Variants in PIK3C3 observed in about 807,000 individuals in gnomAD.
The protein encoded by PIK3C3 is PI3-kinase type 3.
In PIK3C3, 95 loss-of-function variants were observed where a neutral mutation model predicts 126.1. The observed-to-expected ratio is 0.75, with a 90% CI of 0.64 to 0.89. The LOEUF is 0.89. PIK3C3 is among the 40% of genes least tolerant of loss of function. The pLI is 0.00. For missense variants in PIK3C3, 829 were observed against 1,063.2 expected, an observed-to-expected ratio of 0.78 and a Z score of 3.06; for synonymous variants, 374 against 360.0, an observed-to-expected ratio of 1.04 and a Z score of -0.44.
At chr18:41,960,125 G>T (rs1036136025) in intron 2 of PIK3C3, among the ~76,000 whole-genome samples, 4 of 152,142 alleles carry the variant, frequency 2.6e-5, no homozygotes, top group African/African-American at 9.7e-5. Flanking sequence ...TTCTGATAGT[G>T]AGTTGTGAGA....
chr18:41,960,487 G>A (rs1446294008), intron 2 of PIK3C3, among the ~76,000 whole-genome samples: 2 of 152,164 alleles, frequency 1.3e-5, no homozygotes, highest in Non-Finnish European at 2.9e-5. Flanking sequence ...AATGGTATGC[G>A]GTGATGGCGG....
chr18:42,032,041 T>G, intron 15 of PIK3C3, among the ~76,000 whole-genome samples: 1 of 152,222 alleles, frequency 6.6e-6, no homozygotes, highest in East Asian at 1.9e-4. Context: ...AGGCAGTACT[T>G]GTGTCCAGTA....
chr18:42,083,927 A>C lies in PIK3C3; in HGVS notation c.*2790A>C, dbSNP rs1196816038. 3.3e-5 allele frequency: 5 copies of C among 152,088 alleles called. No homozygotes were observed. The highest frequency in any genetic ancestry group is 5.9e-5 in the Non-Finnish European group (4 of 68,004). 9.4% of individuals were successfully genotyped at this position (152,088 alleles called of 1,614,324 possible). A position where few individuals can be genotyped will look rare whatever the true frequency, so the allele number is the denominator to read the frequency against. On this transcript the variant is annotated 3_prime_UTR_variant, in exon 25 of 25. Transcript: ENST00000262039. ...ACCTCTAATGTGTGCATTTGTGGGT[A>C]TGTGGTCCATTCAGCTTTAATCCCC... is the stretch of plus-strand genomic sequence containing the variant.
chr18:42,004,480 A>T lies in PIK3C3; in HGVS notation c.1109A>T (p.His370Leu). 6.2e-7 allele frequency: 1 copy of T among 1,612,272 alleles called. No homozygotes were observed. The highest frequency in any genetic ancestry group is 8.5e-7 in the Non-Finnish European group (1 of 1,179,534). ...VEDSLELLSS[H>L]YTNPTVRRYA... ...GACTCCTTGGAGCTGTTATCCTCTC[A>T]TTACACCAACCCAACTGTGAGGCGT... The change falls in exon 10 of 25, where the codon CAT (histidine) becomes CTT (leucine). Residue 370 changes from histidine (H) to leucine (L), a missense_variant. By Grantham distance (99) the His-to-Leu change is moderately conservative. This residue lies in a region of PIK3C3 where 64 missense variants were observed against 118.7 expected (regional missense o/e 0.54). Coordinates refer to ENST00000262039, the MANE Select transcript of PIK3C3 (RefSeq NM_002647.4).
chr18:42,008,500 G>C (rs1194310737), intron 10 of PIK3C3, among the ~76,000 whole-genome samples: 1 of 152,080 alleles, frequency 6.6e-6, no homozygotes, highest in Non-Finnish European at 1.5e-5. Flanking sequence ...TCTATGGAGA[G>C]TTATTCTTAA....
At chr18:42,068,677 G>A (rs1195734337) in intron 24 of PIK3C3, among the ~76,000 whole-genome samples, 4 of 151,980 alleles carry the variant, frequency 2.6e-5, no homozygotes, top group African/African-American at 7.3e-5. Flanking sequence ...GGGGCCAGGC[G>A]CGGTGGCTCA....
chr18:42,044,371 A>AT (rs34725564), intron 20 of PIK3C3, among the ~76,000 whole-genome samples: 36,648 of 149,626 alleles, frequency 0.24, 4,698 homozygotes, highest in South Asian at 0.4. Context: ...ATTCTACAGG[A>AT]TTTTTTTTTT....
In PIK3C3 at chr18:42,027,542, G is replaced by C; in HGVS notation, c.1584G>C (p.Leu528Phe). 1 of 1,602,654 alleles carries C rather than the reference G, an allele frequency of 6.2e-7. No homozygotes were observed. The highest frequency in any genetic ancestry group is 8.5e-7 in the Non-Finnish European group (1 of 1,170,426). The change falls in exon 14 of 25, where the codon TTG becomes TTC. Residue 528 changes from leucine to phenylalanine, a missense_variant. This residue lies in a region of PIK3C3 where 256 missense variants were observed against 291.0 expected (regional missense o/e 0.88). Transcript: ENST00000262039. Reference protein sequence around the residue: ...LNVMRRFSQALLKGDKSVRVM... With the variant: ...LNVMRRFSQAFLKGDKSVRVM... ...TAATGAGAAGATTCAGCCAAGCATT[G>C]TTGAAGGTAACCCTTAAATGTGAGG...
Position 42,040,707 on chromosome 18 carries a change from T to TG in PIK3C3, c.2071dup (p.Ala691GlyfsTer2), listed in dbSNP as rs1224884783. The TG allele has an allele frequency of 6.2e-7, 1 of 1,611,488 alleles. No individual in the cohort carries two copies. Among genetic ancestry groups the TG allele is most frequent in the Non-Finnish European group, 8.5e-7 (1 of 1,178,008 alleles). ...ATGCAGTTTATCCAGTCAGTTCCTG[T>TG]GGCTGAAGTTCTTGATACAGAGGGA... On this transcript the variant is annotated frameshift_variant, in exon 19 of 25. Coordinates refer to ENST00000262039, the MANE Select transcript of PIK3C3 (RefSeq NM_002647.4). LOFTEE classifies it high-confidence loss of function.
intron 24 of PIK3C3, among the ~76,000 whole-genome samples, chr18:42,075,165 C>A (rs1985928395): frequency 1.3e-5 from 2 of 152,102 alleles, no homozygotes; most frequent in African/African-American, 2.4e-5. Context: ...AGAGAAAAAT[C>A]ATCATTTCTG....
intron 14 of PIK3C3, among the ~76,000 whole-genome samples, chr18:42,028,747 C>T (rs2144439177): frequency 6.6e-6 from 1 of 152,308 alleles, no homozygotes; most frequent in East Asian, 1.9e-4. Flanking sequence ...ATTTACCCAG[C>T]TTCCCTTACC....
chr18:42,037,896 T>C, intron 17 of PIK3C3, 76 bp downstream of exon 17: 9 of 1,337,272 alleles, frequency 6.7e-6, no homozygotes, highest in Non-Finnish European at 8.3e-6. Flanking sequence ...TTGCTGTTTA[T>C]GGAACAGAAG....
intron 22 of PIK3C3, among the ~76,000 whole-genome samples, chr18:42,059,168 G>A (rs1985204746): frequency 6.6e-6 from 1 of 152,168 alleles, no homozygotes; most frequent in Non-Finnish European, 1.5e-5. Context: ...TTACAGTAAT[G>A]GGGTTTCATT....
intron 5 of PIK3C3, among the ~76,000 whole-genome samples, chr18:41,989,056 C>G (rs1598872621): frequency 6.6e-6 from 1 of 151,898 alleles, no homozygotes; most frequent in Non-Finnish European, 1.5e-5. Context: ...TTTAAGTAAC[C>G]TCTTCAGACC....
Position 42,076,115 on chromosome 18 carries a change from T to TGCAC in PIK3C3, c.2650-5008_2650-5007insGCAC, listed in dbSNP as rs1303637193. On this transcript the variant is annotated intron_variant, in intron 24 of 24. Coordinates refer to ENST00000262039, the MANE Select transcript of PIK3C3 (RefSeq NM_002647.4). ...ATATATATATATATATATATATATA[T>TGCAC]ATATATGCGCATATATATATATATA... Among the ~76,000 whole-genome samples the TGCAC allele has an allele frequency of 5.7e-4, 42 of 73,750 alleles. 5 individuals carry two copies. Among genetic ancestry groups the TGCAC allele is most frequent in the African/African-American group, 2.4e-3 (32 of 13,614 alleles). The allele number at this position is 73,750 out of a possible 152,430, so 48.4% of individuals were successfully genotyped here.
rs184630681 is a variant in PIK3C3 at position 42,085,177 on chromosome 18, T to C, written c.*4040T>C. On this transcript the variant is annotated 3_prime_UTR_variant, in exon 25 of 25. Coordinates refer to ENST00000262039, the MANE Select transcript of PIK3C3 (RefSeq NM_002647.4). ...AGAATAGGTACAATGTAAATACTGG[T>C]AAGTGAAAGTTCATTTTGTTCAGTG... 2 of 152,320 alleles carry C rather than the reference T, an allele frequency of 1.3e-5. No homozygotes were observed. The highest frequency in any genetic ancestry group is 1.3e-4 in the Admixed American group (2 of 15,302). 9.4% of individuals were successfully genotyped at this position (152,320 alleles called of 1,614,324 possible). A position where few individuals can be genotyped will look rare whatever the true frequency, so the allele number is the denominator to read the frequency against.
chr18:42,066,525 C>T (rs1598950476), intron 23 of PIK3C3, among the ~76,000 whole-genome samples: 1 of 152,064 alleles, frequency 6.6e-6, no homozygotes, highest in East Asian at 1.9e-4. Context: ...GAAGCATGTG[C>T]CAGTTAAGGG....
chr18:42,069,250 A>G (rs564219204), intron 24 of PIK3C3, among the ~76,000 whole-genome samples: 3 of 152,338 alleles, frequency 2.0e-5, no homozygotes, highest in South Asian at 4.1e-4. Context: ...TGTTGAGAAT[A>G]AATTGTGATT....
At chr18:42,030,407 C>T (rs1983770429) in intron 15 of PIK3C3, among the ~76,000 whole-genome samples, 1 of 152,112 alleles carries the variant, frequency 6.6e-6, no homozygotes, top group Non-Finnish European at 1.5e-5. Flanking sequence ...TTCCTAATTC[C>T]ATTAGATAAT....
Sources: allele counts gnomAD v4.1 joint callset (sites outside exome capture counted in the v4.1 genomes callset), GRCh38; gene constraint gnomAD v4.1.1; regional missense constraint gnomAD v4.1.1; transcripts MANE v1.5; gene names NCBI Gene and HGNC (gene_info 2026-07-23, HGNC 2026-07-21).